The following SLC39A5 variants were observed in gnomAD, a reference collection of about 807,000 sequenced individuals.
The protein encoded by SLC39A5 is solute carrier family 39 member 5.
In SLC39A5, 42 loss-of-function variants were observed where a neutral mutation model predicts 46.9. That is an observed-to-expected ratio of 0.90 (90% CI 0.70 to 1.16). The LOEUF (loss-of-function observed/expected upper bound fraction) is 1.16, where lower values mean the gene tolerates loss of function less well. SLC39A5 is among the 50% of genes most tolerant of loss of function. The pLI, the probability that SLC39A5 is intolerant of heterozygous loss-of-function variation, is 0.00. For synonymous variants in SLC39A5, 311 were observed against 323.1 expected (o/e 0.96, Z 0.40); for missense variants, 677 against 686.8 (o/e 0.99, Z 0.16).
chr12:56,230,690 C>T, intron 2 of SLC39A5, 141 bp from the exon 3 acceptor site: 1 of 152,648 alleles, frequency 6.6e-6, no homozygotes. Context: ...AGCCTTCACA[C>T]ACTGGCCCCA....
Position 56,237,327 on chromosome 12 carries a change from C to T in SLC39A5, c.1466C>T (p.Ala489Val), listed in dbSNP as rs188130856. ...ACTGCTGGGGTCTTCCTCTATGTGG[C>T]CCTTGTGGACATGGTGAGAGATGTC... ...GVTAGVFLYV[A>V]LVDMLPALLR... Residue 489 changes from alanine to valine, a missense_variant, in exon 12 of 13, where the codon GCC (alanine) becomes GTC (valine). Coordinates refer to ENST00000454355, the MANE Select transcript of SLC39A5 (RefSeq NM_173596.3). 9.3e-5 allele frequency: 148 copies of T among 1,594,714 alleles called. No homozygotes were observed. The Admixed American group carries it at 2.3e-3, about 25-fold the overall frequency.
intron 3 of SLC39A5, 106 bp from the exon 4 acceptor site, chr12:56,231,098 G>A: frequency 1.6e-6 from 1 of 623,378 alleles, no homozygotes; most frequent in Non-Finnish European, 2.7e-6. Flanking sequence ...CTGCAGTAGG[G>A]GCTGCTGCTG....
chr12:56,236,818 GGA>G (rs1870825470), intron 10 of SLC39A5, 72 bp downstream of exon 10: 1 of 1,582,712 alleles, frequency 6.3e-7, no homozygotes, highest in Non-Finnish European at 8.6e-7. Context: ...GCTGGGGCTA[GGA>G]GAGGGCCGTC....
At chr12:56,233,728 G>A (rs960086203) in intron 5 of SLC39A5, among the ~76,000 whole-genome samples, 16 of 152,216 alleles carry the variant, frequency 1.1e-4, no homozygotes, top group Non-Finnish European at 2.4e-4. Context: ...ACTTACACCA[G>A]AGGGCAGACA....
At position 56,234,976 on chromosome 12, in the gene SLC39A5, T is replaced by C. The variant is rs78527682; in HGVS notation, c.624T>C (p.Asp208=). Residue 208 remains aspartate, a synonymous_variant, in exon 6 of 13, where the codon GAT becomes GAC. Coordinates refer to ENST00000454355, the MANE Select transcript of SLC39A5 (RefSeq NM_173596.3). ...IGAPAPAPPG[D]LLSALLQSAL... ...CTCCGGCCCCTGCACCCCCAGGGGA[T>C]CTACTATCTGGTCAGCAAGTAGGAG... The C allele has an allele frequency of 5.6e-4, 897 of 1,613,268 alleles. 5 individuals are homozygous for C. In the African/African-American group the frequency reaches 0.011, roughly 19 times the overall value.
chr12:56,235,952 A>C, intron 8 of SLC39A5: 2 of 516,496 alleles, frequency 3.9e-6, no homozygotes, highest in Non-Finnish European at 6.9e-6. Flanking sequence ...CTGAGGCAGG[A>C]GAATCGCTTG....
rs373073769 is a variant in SLC39A5, at chr12:56,237,211, C to T, written c.1350C>T (p.Leu450=). 26 of 1,613,710 alleles carry T rather than the reference C, an allele frequency of 1.6e-5. No homozygotes were observed. Among genetic ancestry groups the T allele is most frequent in the South Asian group, 9.9e-5 (9 of 91,086 alleles). The part of the protein sequence containing the change: ...LSFRRLLLLS[L]VSGALGLGGA... Reference sequence around the variant, plus strand: ...TTCGGCGGCTGCTGCTGCTGAGCCTCGTGTCTGGAGCCCTGGGATTGGGGG... The same window carrying T: ...TTCGGCGGCTGCTGCTGCTGAGCCTTGTGTCTGGAGCCCTGGGATTGGGGG... The change falls in exon 12 of 13, where the codon CTC becomes CTT. Residue 450 remains leucine, a synonymous_variant. Transcript: ENST00000454355.
chr12:56,237,045 C>T (rs1370897539), intron 11 of SLC39A5, 34 bp downstream of exon 11: 16 of 1,613,500 alleles, frequency 9.9e-6, no homozygotes, highest in African/African-American at 6.7e-5. Flanking sequence ...GGGTGGACTC[C>T]AGAAAGGAGA....
Position 56,237,772 on chromosome 12 carries a change from C to T in SLC39A5, c.*41C>T, listed in dbSNP as rs375366401. On this transcript the variant is annotated 3_prime_UTR_variant, in exon 13 of 13. Transcript: ENST00000454355. Reference sequence around the variant, plus strand: ...GGGGTCGGGTTGCCCTTCCTTCCCCCCAACCACAGGAATGGAGGCGGGACA... The same window carrying T: ...GGGGTCGGGTTGCCCTTCCTTCCCCTCAACCACAGGAATGGAGGCGGGACA... 1.3e-6 allele frequency: 2 copies of T among 1,504,888 alleles called. No homozygotes were observed. 93.2% of individuals were successfully genotyped at this position (1,504,888 alleles called of 1,614,324 possible).
At chr12:56,231,791 T>C (rs1448650541) in intron 4 of SLC39A5, among the ~76,000 whole-genome samples, 1 of 152,146 alleles carries the variant, frequency 6.6e-6, no homozygotes, top group Non-Finnish European at 1.5e-5. Context: ...AGTGACACAT[T>C]CACGGCTCAC....
At position 56,237,145 on chromosome 12, in the gene SLC39A5, A is replaced by G. The variant is rs200932335; in HGVS notation, c.1289-5A>G. On this transcript the variant is annotated splice_region_variant and splice_polypyrimidine_tract_variant and intron_variant, in intron 11 of 12. Coordinates refer to ENST00000454355, the MANE Select transcript of SLC39A5 (RefSeq NM_173596.3). ...CCCTCCCATCCTGTCCTCTGTCTCC[A>G]ATAGGTGACTTTGCCATGCTGCTCC... 5 of 1,613,740 alleles carry G rather than the reference A, an allele frequency of 3.1e-6. No homozygotes were observed. The highest frequency in any genetic ancestry group is 4.2e-6 in the Non-Finnish European group (5 of 1,179,990).
intron 7 of SLC39A5, 97 bp downstream of exon 7, chr12:56,235,423 C>A: frequency 6.6e-7 from 1 of 1,507,202 alleles, no homozygotes; most frequent in Non-Finnish European, 8.8e-7. Context: ...GCTCCCATAT[C>A]CTACTCCCAG....
At chr12:56,232,605 T>C in intron 4 of SLC39A5, 84 bp from the exon 5 acceptor site, 1 of 1,278,214 alleles carries the variant, frequency 7.8e-7, no homozygotes. Flanking sequence ...AGTCCCCCCA[T>C]TCCCCCTAAA....
At chr12:56,233,083 G>GA (rs1304215636) in intron 5 of SLC39A5, among the ~76,000 whole-genome samples, 2 of 151,876 alleles carry the variant, frequency 1.3e-5, no homozygotes. Context: ...CCAACATGGT[G>GA]AAACCCCATC....
Position 56,231,417 on chromosome 12 carries a change from G to A in SLC39A5, c.143G>A (p.Gly48Asp), listed in dbSNP as rs370643013. Residue 48 changes from glycine (G) to aspartate (D), a missense_variant, in exon 4 of 13, where the codon GGC (glycine) becomes GAC (aspartate). By Grantham distance (94) the Gly-to-Asp change is moderately conservative. Coordinates refer to ENST00000454355, the MANE Select transcript of SLC39A5 (RefSeq NM_173596.3). The part of the protein sequence containing the change: ...HYLAQLFGLY[G>D]ENGTLTAGGL... ...CTGGCCCAGCTGTTTGGCCTGTACG[G>A]CGAGAATGGGACGCTGACTGCAGGG... 1.9e-6 allele frequency: 3 copies of A among 1,614,004 alleles called. No homozygotes were observed. Among genetic ancestry groups the A allele is most frequent in the African/African-American group, 2.7e-5 (2 of 74,936 alleles).
intron 5 of SLC39A5, among the ~76,000 whole-genome samples, chr12:56,233,112 A>C (rs1460827334): frequency 1.3e-5 from 2 of 151,816 alleles, no homozygotes; most frequent in Admixed American, 1.3e-4. Context: ...AAAATACAAA[A>C]ATTAGCCGGG....
In SLC39A5 at chr12:56,236,410, A is replaced by G; in HGVS notation, c.960A>G (p.Arg320=). The G allele has an allele frequency of 6.2e-7, 1 of 1,614,254 alleles. No individual in the cohort carries two copies. ...HRGLRPRCCR[R]KRRNLETRNL... is the part of the protein sequence containing the mutation. Reference sequence around the variant, plus strand: ...TCCTATTTCAGAGATGCTGCAGGCGAAAACGAAGGAATCTCGAAACACGCA... The same window carrying G: ...TCCTATTTCAGAGATGCTGCAGGCGGAAACGAAGGAATCTCGAAACACGCA... The change falls in exon 9 of 13, where the codon CGA becomes CGG. Residue 320 remains arginine (R), a synonymous_variant. Coordinates refer to ENST00000454355, the MANE Select transcript of SLC39A5 (RefSeq NM_173596.3).
rs201919253 is a variant in SLC39A5, at chr12:56,236,746, G to T, written c.1207G>T (p.Gly403Cys). The T allele has an allele frequency of 1.3e-6, 2 of 1,595,118 alleles. No individual in the cohort carries two copies. Among genetic ancestry groups the T allele is most frequent in the Non-Finnish European group, 1.7e-6 (2 of 1,168,746 alleles). The change falls in exon 10 of 13, where the codon GGT becomes TGT. Residue 403 changes from glycine to cysteine, a missense_variant and splice_region_variant. By Grantham distance (159) the Gly-to-Cys change is radical. Coordinates refer to ENST00000454355, the MANE Select transcript of SLC39A5 (RefSeq NM_173596.3). ...CAACCTCACTGATGGGCTGGCCATA[G>T]GTGTGAGGGGTGGGAACGGAGGGAA... is the stretch of plus-strand genomic sequence containing the variant. ...LHNLTDGLAIGAAFSDGFSSG... is the reference protein window; with the variant it reads ...LHNLTDGLAICAAFSDGFSSG...
intron 5 of SLC39A5, among the ~76,000 whole-genome samples, chr12:56,234,314 A>ATT (rs149900118): frequency 1.7e-5 from 2 of 117,890 alleles, no homozygotes; most frequent in African/African-American, 3.2e-5. Context: ...TCCCCAGCTA[A>ATT]TTTTTTTTTT....
Sources: allele counts gnomAD v4.1 joint callset (sites outside exome capture counted in the v4.1 genomes callset), GRCh38; gene constraint gnomAD v4.1.1; transcripts MANE v1.5; gene names NCBI Gene and HGNC (gene_info 2026-07-23, HGNC 2026-07-21).